The following ASIC2 variants were observed in gnomAD, a reference collection of about 807,000 sequenced individuals.
ASIC2 encodes the protein acid-sensing ion channel 2.
A neutral mutation model predicts 57.3 loss-of-function variants in ASIC2; 25 were observed. The observed-to-expected ratio is 0.44, with a 90% CI of 0.32 to 0.61. ASIC2 has a LOEUF of 0.61. Ranked by LOEUF, ASIC2 falls within the 20% of genes least tolerant of loss-of-function variation. The pLI is 0.06. For synonymous variants in ASIC2, 319 were observed against 307.5 expected, an observed-to-expected ratio of 1.04 and a Z score of -0.39; for missense variants, 641 against 738.1, an observed-to-expected ratio of 0.87 and a Z score of 1.52.
intron 1 of ASIC2, among the ~76,000 whole-genome samples, chr17:34,133,371 A>G (rs1300587545): frequency 6.6e-6 from 1 of 152,162 alleles, no homozygotes; most frequent in Non-Finnish European, 1.5e-5. Flanking sequence ...CTCTCACCTA[A>G]AAAAGGTGCT....
At chr17:33,014,553 G>C (rs368838379) in intron 9 of ASIC2, among the ~76,000 whole-genome samples, 1 of 152,162 alleles carries the variant, frequency 6.6e-6, no homozygotes, top group East Asian at 1.9e-4. Flanking sequence ...AGGACTTTTA[G>C]GGTTAAGCTG....
At chr17:33,348,833 G>A (rs112523335) in intron 1 of ASIC2, among the ~76,000 whole-genome samples, 64 of 152,096 alleles carry the variant, frequency 4.2e-4, no homozygotes, top group Admixed American at 2.6e-3. Flanking sequence ...TGTGCAAAAG[G>A]TACCACCTAA....
rs911440640 is a variant in ASIC2 at position 34,123,655 on chromosome 17, G to A, written c.555+32323C>T. Among the ~76,000 whole-genome samples, 40 of 152,178 alleles carry A rather than the reference G, an allele frequency of 2.6e-4. 1 individual carries two copies. Among genetic ancestry groups the A allele is most frequent in the South Asian group, 2.1e-4 (1 of 4,820 alleles). ...AGCAGCTGTCACTTACAACCTGAGT[G>A]GTCTTGCAAGTCTCAGCTTTTCCGT... On this transcript the variant is annotated intron_variant, in intron 1 of 9. Coordinates refer to the ASIC2 transcript ENST00000359872.
At chr17:33,109,687 G>T (rs781577440) in intron 2 of ASIC2, among the ~76,000 whole-genome samples, 1 of 151,912 alleles carries the variant, frequency 6.6e-6, no homozygotes, top group Non-Finnish European at 1.5e-5. Context: ...CATGTGACAA[G>T]TCCTTAATCA....
In ASIC2 at chr17:33,638,418, T is replaced by C. The variant is rs1025656502; in HGVS notation, c.555+517560A>G. Among the ~76,000 whole-genome samples the C allele has an allele frequency of 3.3e-5, 5 of 152,212 alleles. No individual in the cohort carries two copies. The East Asian group carries it at 9.6e-4, about 29-fold the overall frequency. On this transcript the variant is annotated intron_variant, in intron 1 of 9. Transcript: ENST00000359872. ...GCAAGATGGAGTTAGCTATGCTAGATTTATCTCACTGTCATAATCTTTGCT... is the reference window on the plus strand; with the variant it reads ...GCAAGATGGAGTTAGCTATGCTAGACTTATCTCACTGTCATAATCTTTGCT...
chr17:33,272,750 T>C (rs1049655801), intron 1 of ASIC2, among the ~76,000 whole-genome samples: 7 of 152,266 alleles, frequency 4.6e-5, no homozygotes, highest in African/African-American at 1.7e-4. Context: ...AACATGCTTA[T>C]GATGCTTTAC....
chr17:34,030,432 C>A (rs558749380), intron 1 of ASIC2, among the ~76,000 whole-genome samples: 3 of 152,166 alleles, frequency 2.0e-5, no homozygotes, highest in Admixed American at 2.0e-4. Flanking sequence ...GCTTGAGCAA[C>A]GCAGAAGATG....
intron 1 of ASIC2, among the ~76,000 whole-genome samples, chr17:33,840,684 C>A (rs549794037): frequency 6.6e-6 from 1 of 152,050 alleles, no homozygotes; most frequent in African/African-American, 2.4e-5. Flanking sequence ...TTGTTCAATC[C>A]TATAGGCTAG....
chr17:33,678,847 C>A (rs1342682687), intron 1 of ASIC2, among the ~76,000 whole-genome samples: 1 of 152,124 alleles, frequency 6.6e-6, no homozygotes, highest in Non-Finnish European at 1.5e-5. Context: ...GAAACCCTCC[C>A]TTGTGATTCA....
At chr17:33,799,506 C>T (rs1156352568) in intron 1 of ASIC2, among the ~76,000 whole-genome samples, 1 of 143,254 alleles carries the variant, frequency 7.0e-6, no homozygotes, top group Non-Finnish European at 1.5e-5. Flanking sequence ...TACTTTCTTT[C>T]TTTCTTTCCT....
chr17:33,761,270 T>C (rs1597865414), intron 1 of ASIC2, among the ~76,000 whole-genome samples: 2 of 152,300 alleles, frequency 1.3e-5, no homozygotes, highest in South Asian at 2.1e-4. Context: ...AATTTTTTTG[T>C]GTTGTTAAAA....
chr17:33,413,399 C>G (rs530855984), intron 1 of ASIC2, among the ~76,000 whole-genome samples: 1 of 152,204 alleles, frequency 6.6e-6, no homozygotes, highest in Non-Finnish European at 1.5e-5. Flanking sequence ...ATGTCCCCAA[C>G]TTGGTCCGAT....
chr17:33,152,286 A>G (rs546051467), intron 1 of ASIC2, among the ~76,000 whole-genome samples: 2 of 152,334 alleles, frequency 1.3e-5, no homozygotes, highest in East Asian at 1.9e-4. Flanking sequence ...ATCAGGAAGC[A>G]TGAGGAGCCC....
intron 1 of ASIC2, among the ~76,000 whole-genome samples, chr17:33,847,272 T>C (rs1913634922): frequency 6.6e-6 from 1 of 151,958 alleles, no homozygotes; most frequent in Non-Finnish European, 1.5e-5. Context: ...CTTAGTTTTC[T>C]CTTCTGTCAA....
intron 1 of ASIC2, among the ~76,000 whole-genome samples, chr17:33,626,191 A>G (rs1905977821): frequency 6.6e-6 from 1 of 152,204 alleles, no homozygotes; most frequent in African/African-American, 2.4e-5. Flanking sequence ...TTGAATGAAT[A>G]AAATTGGATG....
At chr17:33,425,001 T>C (rs906748369) in intron 1 of ASIC2, among the ~76,000 whole-genome samples, 1 of 152,246 alleles carries the variant, frequency 6.6e-6, no homozygotes, top group Non-Finnish European at 1.5e-5. Flanking sequence ...GCACATTTAT[T>C]AACCATGTAT....
intron 1 of ASIC2, among the ~76,000 whole-genome samples, chr17:33,114,796 A>G (rs773390356): frequency 4.1e-4 from 62 of 152,234 alleles, no homozygotes; most frequent in Non-Finnish European, 8.8e-5. Flanking sequence ...GGAGAGAGGA[A>G]ATGACTTGCT....
chr17:33,152,953 C>T (rs993942518), intron 1 of ASIC2, among the ~76,000 whole-genome samples: 9 of 152,208 alleles, frequency 5.9e-5, no homozygotes, highest in African/African-American at 2.2e-4. Context: ...TCAGTCACCC[C>T]TGGGGTTTCT....
chr17:33,348,017 G>A (rs148145972), intron 1 of ASIC2, among the ~76,000 whole-genome samples: 1,573 of 152,228 alleles, frequency 0.01, 20 homozygotes, highest in African/African-American at 0.036. Context: ...TAGAAGAATC[G>A]CTTGAACCCA....
Sources: gnomAD v4.1 joint callset for allele counts (sites outside exome capture counted in the v4.1 genomes callset) on GRCh38, gnomAD v4.1.1 for gene constraint, MANE v1.5 for transcripts, NCBI Gene and HGNC (gene_info 2026-07-23, HGNC 2026-07-21) for gene names.